ASPSCR1: variants seen among roughly 807,000 people sequenced by gnomAD.
ASPSCR1 encodes the protein ASPSCR1 tether for SLC2A4, UBX domain containing.
In ASPSCR1, 55 loss-of-function variants were observed where a neutral mutation model predicts 68.9. The ratio of observed to expected loss-of-function variants is 0.80; its 90% CI spans 0.64 to 1.00. The LOEUF is 1.00. Ranked by LOEUF, ASPSCR1 falls within the 50% of genes least tolerant of loss-of-function variation. The pLI is 0.00. For missense variants in ASPSCR1, 765 were observed against 762.2 expected, an observed-to-expected ratio of 1.00 and a Z score of -0.04; for synonymous variants, 352 against 332.6, an observed-to-expected ratio of 1.06 and a Z score of -0.63.
In ASPSCR1 at chr17:81,990,283, G is replaced by A. The variant is rs2042117866; in HGVS notation, c.375-4538G>A. On this transcript the variant is annotated intron_variant, in intron 4 of 15. Coordinates refer to ENST00000306739, the MANE Select transcript of ASPSCR1 (RefSeq NM_024083.4). The surrounding 1 kb of genome is among the most constrained non-coding windows in gnomAD (Gnocchi z 4.1). ...CACTTGGAGCATCTCGGTCTGGGCC[G>A]GGTCCTCGTGGACTGGGCGCTCTCC... is the stretch of plus-strand genomic sequence containing the variant. Among the ~76,000 whole-genome samples, 1 of 152,190 alleles carries A rather than the reference G, an allele frequency of 6.6e-6. No individual in the cohort carries two copies. The highest frequency in any genetic ancestry group is 2.4e-5 in the African/African-American group (1 of 41,448).
rs1255608639 is a variant in ASPSCR1, at chr17:82,009,043, G to C, written c.940G>C (p.Asp314His). 2.6e-6 allele frequency: 4 copies of C among 1,541,758 alleles called. No homozygotes were observed. The South Asian group carries it at 3.6e-5, about 14-fold the overall frequency. The change falls in exon 8 of 16, where the codon GAC becomes CAC. Residue 314 changes from aspartate to histidine, a missense_variant. By Grantham distance (81) the Asp-to-His change is moderately conservative (BLOSUM62 -1). Transcript: ENST00000306739. The part of the protein sequence containing the change: ...QQEQERERPV[D>H]REPVDREPVV... ...CCGCGCCCTCTGCCTCCAGCCCGTG[G>C]ACCGGGAGCCCGTGGACCGGGAGCC...
rs913220497 is a variant in ASPSCR1, at chr17:81,986,266, A to T, written c.374+659A>T. Among the ~76,000 whole-genome samples the T allele has an allele frequency of 1.3e-5, 2 of 152,064 alleles. No homozygotes were observed. Among genetic ancestry groups the T allele is most frequent in the Non-Finnish European group, 2.9e-5 (2 of 68,010 alleles). ...TAGTGAAACCCCTTCTCTACAAAAAATAGAAATGTTAGGCCAGGCATAGTG... is the reference window on the plus strand; with the variant it reads ...TAGTGAAACCCCTTCTCTACAAAAATTAGAAATGTTAGGCCAGGCATAGTG... On this transcript the variant is annotated intron_variant, in intron 4 of 15. Coordinates refer to ENST00000306739, the MANE Select transcript of ASPSCR1 (RefSeq NM_024083.4). This position sits in a 1 kb window ranked among gnomAD's most constrained non-coding sequence, Gnocchi z 5.2.
At position 81,983,614 on chromosome 17, in the gene ASPSCR1, T is replaced by C. The variant is rs1256093855; in HGVS notation, c.219T>C (p.Asn73=). 2 of 1,613,472 alleles carry C rather than the reference T, an allele frequency of 1.2e-6. No individual in the cohort carries two copies. The highest frequency in any genetic ancestry group is 1.7e-5 in the Admixed American group (1 of 59,936). The part of the protein sequence containing the change: ...LQWRFANLPN[N]AKLEMVPASR... The stretch of plus-strand genomic sequence containing the variant: ...GGAGATTTGCCAACCTGCCCAACAA[T>C]GCCAAGCTGGAGATGGTGCCCGCTT... The change falls in exon 3 of 16, where the codon AAT becomes AAC. Residue 73 remains asparagine, a synonymous_variant. Coordinates refer to ENST00000306739, the MANE Select transcript of ASPSCR1 (RefSeq NM_024083.4). The surrounding 1 kb of genome is among the most constrained non-coding windows in gnomAD (Gnocchi z 4.4).
chr17:82,009,005 C>T, intron 7 of ASPSCR1, 32 bp from the exon 8 acceptor site: 1 of 1,473,250 alleles, frequency 6.8e-7, no homozygotes, highest in Non-Finnish European at 9.0e-7. Context: ...CAGCCCGTGA[C>T]ACCCGCCGTC....
chr17:82,007,408 GATGGTCCTGTCCCCT>G (rs2042755604), intron 7 of ASPSCR1: 1 of 152,288 alleles, frequency 6.6e-6, no homozygotes, highest in South Asian at 2.1e-4. Flanking sequence ...GCGTGATGCT[GATGGTCCTGTCCCCT>G]ATGGCCCCCA....
At chr17:81,984,240 C>T (rs1348788547) in intron 3 of ASPSCR1, among the ~76,000 whole-genome samples, 1 of 152,160 alleles carries the variant, frequency 6.6e-6, no homozygotes, top group African/African-American at 2.4e-5. Flanking sequence ...AGCATTCACC[C>T]ACCAGCCTGA....
chr17:81,995,000 A>G (rs749149047), intron 5 of ASPSCR1, 122 bp downstream of exon 5: 1 of 1,116,026 alleles, frequency 9.0e-7, no homozygotes, highest in Non-Finnish European at 1.2e-6. Context: ...TCTTGAAAGC[A>G]CGACGTGTTT....
intron 11 of ASPSCR1, 122 bp from the exon 12 acceptor site, chr17:82,012,109 C>A: frequency 8.4e-7 from 1 of 1,189,914 alleles, no homozygotes; most frequent in South Asian, 1.2e-5. Flanking sequence ...AGGGCGTGCT[C>A]GTGAGGGGCT....
intron 4 of ASPSCR1, among the ~76,000 whole-genome samples, chr17:81,988,545 C>T (rs1440312402): frequency 2.0e-5 from 3 of 152,106 alleles, no homozygotes; most frequent in Non-Finnish European, 4.4e-5. Flanking sequence ...TGGTAAAGCC[C>T]GGAGCCCCCA....
chr17:82,003,084 G>A (rs2042590376), intron 7 of ASPSCR1, among the ~76,000 whole-genome samples: 1 of 151,970 alleles, frequency 6.6e-6, no homozygotes, highest in Non-Finnish European at 1.5e-5. Flanking sequence ...CTGACCTTAG[G>A]TGGTCTGCCG....
At chr17:82,011,459 G>GT in intron 10 of ASPSCR1, 84 bp from the exon 11 acceptor site, 1 of 1,300,798 alleles carries the variant, frequency 7.7e-7, no homozygotes, top group East Asian at 2.5e-5. Flanking sequence ...GCCCAGGAGG[G>GT]TGGGAGCAGT....
chr17:81,998,974 C>T (rs570689205), intron 7 of ASPSCR1, among the ~76,000 whole-genome samples: 1 of 152,344 alleles, frequency 6.6e-6, no homozygotes, highest in East Asian at 1.9e-4. Context: ...GTGGGGACCT[C>T]GTGTCTGTGG....
chr17:81,979,584 A>G (rs1451097629), intron 2 of ASPSCR1, among the ~76,000 whole-genome samples: 4 of 152,202 alleles, frequency 2.6e-5, no homozygotes, highest in Admixed American at 6.5e-5. Context: ...AGAACGATTT[A>G]TCATTACATC....
rs538703892 is a variant in ASPSCR1 at position 81,993,083 on chromosome 17, G to A, written c.375-1738G>A. On this transcript the variant is annotated intron_variant, in intron 4 of 15. Transcript: ENST00000306739. Reference sequence around the variant, plus strand: ...AAGGCCACGAAACAAAAGAAAACACGTCAAACCCACACACGTGGCCGAGTC... The same window carrying A: ...AAGGCCACGAAACAAAAGAAAACACATCAAACCCACACACGTGGCCGAGTC... 1.2e-4 allele frequency among the ~76,000 whole-genome samples: 18 copies of A among 152,306 alleles called. 1 individual carries two copies. The South Asian group carries it at 1.9e-3, about 16-fold the overall frequency.
intron 11 of ASPSCR1, 138 bp from the exon 12 acceptor site, chr17:82,012,092 TG>T: frequency 9.7e-7 from 1 of 1,035,290 alleles, no homozygotes; most frequent in Non-Finnish European, 1.5e-6. Context: ...AGCAGGAGTG[TG>T]GGCACAGGGC....
intron 4 of ASPSCR1, among the ~76,000 whole-genome samples, chr17:81,992,085 C>T (rs1318478052): frequency 6.6e-6 from 1 of 152,220 alleles, no homozygotes; most frequent in African/African-American, 2.4e-5. Context: ...TGTGCCAGTA[C>T]CCTGCTGCGA....
At chr17:82,008,928 G>A in intron 7 of ASPSCR1, 109 bp from the exon 8 acceptor site, 3 of 1,371,436 alleles carry the variant, frequency 2.2e-6, no homozygotes, top group Non-Finnish European at 2.8e-6. Context: ...GGGAGGGAGT[G>A]GGCCCAGCTC....
At chr17:81,991,976 C>G (rs115138014) in intron 4 of ASPSCR1, among the ~76,000 whole-genome samples, 1,691 of 152,366 alleles carry the variant, frequency 0.011, 30 homozygotes, top group African/African-American at 0.039. Flanking sequence ...AATATGCCCT[C>G]GAAGCCAGCA....
intron 4 of ASPSCR1, among the ~76,000 whole-genome samples, chr17:81,988,330 T>TC (rs1470408884): frequency 1.3e-5 from 2 of 151,066 alleles, no homozygotes; most frequent in African/African-American, 2.4e-5. Flanking sequence ...GCGCAATGGC[T>TC]CATGCTTGTA....
Sources: allele counts gnomAD v4.1 joint callset (sites outside exome capture counted in the v4.1 genomes callset), GRCh38; gene constraint gnomAD v4.1.1; non-coding constraint Gnocchi (gnomAD v3.1); transcripts MANE v1.5; gene names NCBI Gene and HGNC (gene_info 2026-07-23, HGNC 2026-07-21).